Variants in CRB2 observed in about 807,000 individuals in gnomAD.
CRB2 encodes the protein protein crumbs homolog 2.
A neutral mutation model predicts 110.9 loss-of-function variants in CRB2; 85 were observed. The ratio of observed to expected loss-of-function variants is 0.77; its 90% CI spans 0.64 to 0.92. The LOEUF (loss-of-function observed/expected upper bound fraction) is 0.92, where lower values mean the gene tolerates loss of function less well. CRB2 is among the 40% of genes least tolerant of loss of function. CRB2 has a pLI of 0.00. For missense variants in CRB2, 1,843 were observed against 1,851.3 expected (o/e 1.00, Z 0.08); for synonymous variants, 907 against 831.0 (o/e 1.09, Z -1.57).
rs145019394 is a variant in CRB2 at position 123,370,877 on chromosome 9, G to C, written c.1824G>C (p.Gln608His). The C allele has an allele frequency of 7.8e-5, 125 of 1,611,556 alleles. No individual in the cohort carries two copies. The highest frequency in any genetic ancestry group is 1.0e-4 in the Non-Finnish European group (120 of 1,180,026). The change falls in exon 7 of 13, where the codon CAG becomes CAC. Residue 608 changes from glutamine (Q) to histidine (H), a missense_variant. Coordinates refer to ENST00000373631, the MANE Select transcript of CRB2 (RefSeq NM_173689.7). The stretch of plus-strand genomic sequence containing the variant: ...TCCTGGGCTGTGAGCGCCGAGAGCA[G>C]TGCCGGCCTCTGCCTTGTGTCCACG... ...NVLLGCERRE[Q>H]CRPLPCVHGG...
At chr9:123,367,497 A>G in intron 5 of CRB2, 76 bp from the exon 6 acceptor site, 1 of 1,315,000 alleles carries the variant, frequency 7.6e-7, no homozygotes, top group Non-Finnish European at 1.0e-6. Context: ...CAGTCTCTCT[A>G]GCTATAGAAT....
At chr9:123,379,021 G>A (rs1198214402), downstream of CRB2, among the ~76,000 whole-genome samples, 2 of 151,612 alleles carry the variant, frequency 1.3e-5, no homozygotes, top group African/African-American at 2.4e-5. Flanking sequence ...ACTCCTGACC[G>A]ACCTCGTGAT....
Position 123,374,780 on chromosome 9 carries a change from G to A in CRB2, c.3506+85G>A, listed in dbSNP as rs541530559. On this transcript the variant is annotated intron_variant, in intron 11 of 12. Transcript: ENST00000373631. ...CAGCCAGGGTGGGGCGGGGGTCCTC[G>A]CCCACCTTCTCACCCCTCCCTGGTA... is the stretch of plus-strand genomic sequence containing the variant. 1.4e-4 allele frequency: 129 copies of A among 898,134 alleles called. No individual in the cohort carries two copies. The African/African-American group carries it at 1.5e-3, about 10-fold the overall frequency. 55.6% of individuals were successfully genotyped at this position (898,134 alleles called of 1,614,324 possible).
Position 123,374,397 on chromosome 9 carries a change from T to C in CRB2, c.3390-182T>C, listed in dbSNP as rs1212926322. ...TGTTGTCCTGAGTCCTCTGAGACTC[T>C]GGAAAGCGAGTGCAACCCTGTGTCC... On this transcript the variant is annotated intron_variant, in intron 10 of 12. Coordinates refer to ENST00000373631, the MANE Select transcript of CRB2 (RefSeq NM_173689.7). 2.9e-5 allele frequency among the ~76,000 whole-genome samples: 4 copies of C among 136,260 alleles called. No individual in the cohort carries two copies. The East Asian group carries it at 8.7e-4, about 30-fold the overall frequency. 89.4% of individuals were successfully genotyped at this position (136,260 alleles called of 152,430 possible).
At chr9:123,366,462 T>G (rs1290053775) in intron 4 of CRB2, 96 bp downstream of exon 4, 17 of 1,392,628 alleles carry the variant, frequency 1.2e-5, no homozygotes, top group Non-Finnish European at 1.5e-5. Context: ...TGCACGCGAG[T>G]GCCCGCTGGG....
intron 11 of CRB2, 36 bp from the exon 12 acceptor site, chr9:123,375,181 G>C (rs1476397620): frequency 2.5e-6 from 4 of 1,610,914 alleles, no homozygotes; most frequent in Non-Finnish European, 3.4e-6. Context: ...GGCAGCCATG[G>C]GGGAAGCCGC....
chr9:123,373,540 C>A lies in CRB2; in HGVS notation c.3009C>A (p.Arg1003=). ...TCCTGCAGGGCCCGGGTGCTGTGCGCATCCTGCTGGCTGAGAACTTCACCG... is the reference window on the plus strand; with the variant it reads ...TCCTGCAGGGCCCGGGTGCTGTGCGAATCCTGCTGGCTGAGAACTTCACCG... ...LGFLQGPGAV[R]ILLAENFTGC... Residue 1003 remains arginine, a synonymous_variant, in exon 10 of 13, where the codon CGC becomes CGA. Coordinates refer to ENST00000373631, the MANE Select transcript of CRB2 (RefSeq NM_173689.7). The A allele has an allele frequency of 6.7e-7, 1 of 1,487,360 alleles. No individual in the cohort carries two copies. The highest frequency in any genetic ancestry group is 8.9e-7 in the Non-Finnish European group (1 of 1,123,962). The allele number at this position is 1,487,360 out of a possible 1,614,324, so 92.1% of individuals were successfully genotyped here.
intron 8 of CRB2, among the ~76,000 whole-genome samples, chr9:123,371,820 G>C (rs1216794676): frequency 6.6e-6 from 1 of 152,094 alleles, no homozygotes; most frequent in Non-Finnish European, 1.5e-5. Context: ...CCTGGTGTGA[G>C]AGAGACACCC....
chr9:123,373,594 C>G lies in CRB2; in HGVS notation c.3063C>G (p.Gly1021=), dbSNP rs768144582. The change falls in exon 10 of 13, where the codon GGC becomes GGG. Residue 1021 remains glycine (G), a synonymous_variant. Coordinates refer to ENST00000373631, the MANE Select transcript of CRB2 (RefSeq NM_173689.7). ...TGCLGRVALG[G]LPLPLARPRP... ...GCTTGGGCCGCGTGGCGCTGGGCGG[C>G]CTGCCCCTGCCCTTGGCGCGGCCCC... The G allele has an allele frequency of 7.2e-7, 1 of 1,384,832 alleles. No individual in the cohort carries two copies. Among genetic ancestry groups the G allele is most frequent in the African/African-American group, 1.5e-5 (1 of 66,322 alleles). 85.8% of individuals were successfully genotyped at this position (1,384,832 alleles called of 1,614,324 possible). A position where few individuals can be genotyped will look rare whatever the true frequency, so the allele number is the denominator to read the frequency against.
Position 123,377,703 on chromosome 9 carries a change from A to G in CRB2, c.*641A>G, listed in dbSNP as rs1056682891. On this transcript the variant is annotated 3_prime_UTR_variant, in exon 13 of 13. Coordinates refer to ENST00000373631, the MANE Select transcript of CRB2 (RefSeq NM_173689.7). The stretch of plus-strand genomic sequence containing the variant: ...TGAGTGGGCTTCTGGCTCCTAGAAC[A>G]AATGTCCCTTCAGGCAGGTCTGTCT... 1.3e-5 allele frequency: 2 copies of G among 152,236 alleles called. No homozygotes were observed. The highest frequency in any genetic ancestry group is 4.8e-5 in the African/African-American group (2 of 41,442). The allele number at this position is 152,236 out of a possible 1,614,324, so 9.4% of individuals were successfully genotyped here.
upstream of CRB2, among the ~76,000 whole-genome samples, chr9:123,354,079 G>A (rs1448431889): frequency 1.3e-5 from 2 of 152,170 alleles, no homozygotes; most frequent in Non-Finnish European, 1.5e-5. Flanking sequence ...ACCAGGGAGC[G>A]GTCAAGATGG....
At chr9:123,364,998 A>G (rs2041913008) in intron 2 of CRB2, among the ~76,000 whole-genome samples, 1 of 152,224 alleles carries the variant, frequency 6.6e-6, no homozygotes, top group African/African-American at 2.4e-5. Flanking sequence ...GTGGTGGCTC[A>G]CGCCTGTAAT....
At chr9:123,374,057 G>A (rs1031857296) in intron 10 of CRB2, 137 bp downstream of exon 10, 4 of 1,115,134 alleles carry the variant, frequency 3.6e-6, no homozygotes, top group Non-Finnish European at 5.3e-6. Flanking sequence ...GAGGAGGACA[G>A]TTTAATTTGA....
intron 11 of CRB2, 43 bp downstream of exon 11, chr9:123,374,738 G>A: frequency 7.1e-7 from 1 of 1,405,036 alleles, no homozygotes; most frequent in Non-Finnish European, 9.9e-7. Flanking sequence ...TCCAATGAAT[G>A]TGGAGGGCTG....
chr9:123,376,942 G>C lies in CRB2; in HGVS notation c.3738G>C (p.Leu1246=), dbSNP rs142743710. Residue 1246 remains leucine (L), a synonymous_variant, in exon 13 of 13, where the codon CTG becomes CTC. Transcript: ENST00000373631. The part of the protein sequence containing the change: ...LLLLGLLSGI[L]AARKRRQSEG... ...TCCTGGGCCTCCTTTCAGGGATCCT[G>C]GCAGCCCGAAAGCGCCGCCAGTCTG... 374 of 1,606,852 alleles carry C rather than the reference G, an allele frequency of 2.3e-4. 1 individual carries two copies. In the African/African-American group the frequency reaches 4.4e-3, roughly 19 times the overall value.
intron 2 of CRB2, among the ~76,000 whole-genome samples, chr9:123,364,383 C>T (rs2041906399): frequency 1.5e-5 from 1 of 68,268 alleles, no homozygotes; most frequent in Admixed American, 1.4e-4. Context: ...GTGGGTTGTG[C>T]ATCCGGATGT....
At chr9:123,365,759 G>A (rs1304001076) in intron 2 of CRB2, among the ~76,000 whole-genome samples, 158 bp from the exon 3 acceptor site, 1 of 152,148 alleles carries the variant, frequency 6.6e-6, no homozygotes, top group Non-Finnish European at 1.5e-5. Context: ...TGCGGTTGCT[G>A]GCATGACCCG....
rs1049615495 is a variant in CRB2, at chr9:123,377,043, C to G, written c.3839C>G (p.Pro1280Arg). ...ATGGACAGTGTCCTCAAGGTGCCAC[C>G]GGAGGAGAGACTCATCTAGGCCAGC... ...LEMDSVLKVP[P>R]EERLI The change falls in exon 13 of 13, where the codon CCG becomes CGG. Residue 1280 changes from proline to arginine, a missense_variant. Transcript: ENST00000373631. The G allele has an allele frequency of 1.3e-6, 2 of 1,588,856 alleles. No homozygotes were observed. Among genetic ancestry groups the G allele is most frequent in the Admixed American group, 1.7e-5 (1 of 57,654 alleles).
chr9:123,375,126 C>T (rs968336002), intron 11 of CRB2, 91 bp from the exon 12 acceptor site: 4 of 1,572,074 alleles, frequency 2.5e-6, no homozygotes, highest in Non-Finnish European at 1.7e-6. Context: ...AGCTCTGATG[C>T]TTGCTGAAGT....
Sources: gnomAD v4.1 joint callset for allele counts (sites outside exome capture counted in the v4.1 genomes callset) on GRCh38, gnomAD v4.1.1 for gene constraint, MANE v1.5 for transcripts, NCBI Gene and HGNC (gene_info 2026-07-23, HGNC 2026-07-21) for gene names.